ZFAT: variants seen among roughly 807,000 people sequenced by gnomAD.
ZFAT encodes the protein zinc finger protein ZFAT.
ZFAT carries 64 observed loss-of-function variants against 117.7 expected under a neutral mutation model. The ratio of observed to expected loss-of-function variants is 0.54; its 90% CI spans 0.44 to 0.67. The LOEUF is 0.67. Ranked by LOEUF, ZFAT falls within the 30% of genes least tolerant of loss-of-function variation. The probability of loss-of-function intolerance (pLI) is 0.00; values close to 1 mark genes in which losing one functional copy is unlikely to be tolerated. For missense variants in ZFAT, 1,433 were observed against 1,584.5 expected (o/e 0.90, Z 1.62); for synonymous variants, 679 against 615.0 (o/e 1.10, Z -1.54).
chr8:134,788,979 GC>G, the ZFAT span, among the ~76,000 whole-genome samples: 1 of 151,996 alleles, frequency 6.6e-6, no homozygotes, highest in Admixed American at 6.5e-5. Flanking sequence ...CCTCTTGTAA[GC>G]AACATGTAGT....
chr8:134,707,356 A>G (rs552559495), intron 1 of ZFAT, among the ~76,000 whole-genome samples: 1 of 152,278 alleles, frequency 6.6e-6, no homozygotes, highest in Admixed American at 6.5e-5. Context: ...GTCATATTGG[A>G]CTTTGCATGC....
chr8:134,594,039 T>C (rs1338831616), intron 7 of ZFAT, among the ~76,000 whole-genome samples: 4 of 152,234 alleles, frequency 2.6e-5, no homozygotes, highest in African/African-American at 9.6e-5. Context: ...ACGTGCTCGA[T>C]TTGGGATTTC....
intron 1 of ZFAT, among the ~76,000 whole-genome samples, chr8:134,668,207 A>G (rs1376150696): frequency 2.6e-5 from 4 of 152,236 alleles, no homozygotes; most frequent in Non-Finnish European, 5.9e-5. Context: ...CAAAAGCAGC[A>G]GAAACCTCTG....
intron 2 of ZFAT, chr8:134,639,777 C>A (rs56823443): frequency 7.1e-5 from 32 of 453,726 alleles, no homozygotes; most frequent in South Asian, 5.0e-4. Flanking sequence ...ACACCCACCT[C>A]GTGTCATGTC....
chr8:134,705,562 C>T (rs553736122), intron 1 of ZFAT, among the ~76,000 whole-genome samples: 32 of 151,754 alleles, frequency 2.1e-4, no homozygotes, highest in African/African-American at 6.8e-4. Flanking sequence ...CCAAGTCTCA[C>T]TCTGTTGCCC....
chr8:134,672,896 G>A (rs1400349497), intron 1 of ZFAT, among the ~76,000 whole-genome samples: 4 of 151,962 alleles, frequency 2.6e-5, no homozygotes, highest in African/African-American at 7.3e-5. Flanking sequence ...TCCCTAAACA[G>A]GAAGAAAATA....
intron 5 of ZFAT, among the ~76,000 whole-genome samples, chr8:134,603,922 G>C (rs961765946): frequency 2.6e-5 from 4 of 152,208 alleles, no homozygotes; most frequent in Non-Finnish European, 5.9e-5. Context: ...CTCTATCATG[G>C]TTGGTTTAGA....
chr8:134,680,274 A>T (rs1833013101), intron 1 of ZFAT, among the ~76,000 whole-genome samples: 1 of 151,762 alleles, frequency 6.6e-6, no homozygotes, highest in Admixed American at 6.6e-5. Context: ...AAAAAAAAAA[A>T]AAAAAAAGAA....
chr8:134,813,733 T>C, the ZFAT span, among the ~76,000 whole-genome samples: 6 of 151,966 alleles, frequency 3.9e-5, no homozygotes, highest in African/African-American at 7.3e-5. Flanking sequence ...TCTAATTCTT[T>C]ATACAACTAT....
At chr8:134,553,083 C>G (rs1232226767) in intron 11 of ZFAT, among the ~76,000 whole-genome samples, 1 of 152,162 alleles carries the variant, frequency 6.6e-6, no homozygotes, top group African/African-American at 2.4e-5. Flanking sequence ...GGCCCTTCTG[C>G]AGGAGAATCA....
intron 13 of ZFAT, among the ~76,000 whole-genome samples, chr8:134,520,622 T>C (rs1820588382): frequency 6.6e-6 from 1 of 152,042 alleles, no homozygotes; most frequent in South Asian, 2.1e-4. Flanking sequence ...ATAACATAAG[T>C]AAAAGTGTCA....
At chr8:134,792,125 C>T in the ZFAT span, 4 of 152,166 alleles carry the variant, frequency 2.6e-5, no homozygotes, top group Admixed American at 2.6e-4. Context: ...AACATGGTAA[C>T]TGGGAAATAA....
chr8:134,628,538 G>A (rs1254783866), intron 3 of ZFAT, among the ~76,000 whole-genome samples: 1 of 152,208 alleles, frequency 6.6e-6, no homozygotes, highest in East Asian at 1.9e-4. Flanking sequence ...CAAGGTGGAA[G>A]GTGAAAGGCA....
chr8:134,614,586 C>T (rs891265192), intron 3 of ZFAT, among the ~76,000 whole-genome samples: 1 of 152,166 alleles, frequency 6.6e-6, no homozygotes, highest in Non-Finnish European at 1.5e-5. Context: ...GAGGTTGGGT[C>T]CATGACTTCT....
At chr8:134,766,059 C>T in the ZFAT span, 1 of 152,214 alleles carries the variant, frequency 6.6e-6, no homozygotes, top group Non-Finnish European at 1.5e-5. Flanking sequence ...ATAGAAGTTA[C>T]ACTATTTCCT....
Position 134,478,527 on chromosome 8 carries a change from CT to C in ZFAT, c.3686del (p.Gln1229ArgfsTer64). On this transcript the variant is annotated frameshift_variant, in exon 16 of 16. Transcript: ENST00000377838. LOFTEE classifies it high-confidence loss of function. The surrounding 1 kb of genome is among the most constrained non-coding windows in gnomAD (Gnocchi z 5.2). The part of the protein sequence containing the change: ...EFIVYVQEAM[Q>X]PVEEQAVEQP... ...GCTCCACAGCCTGCTCCTCCACAGG[CT>C]GCATGGCCTCCTGCACGTAGACGAT... 6.3e-7 allele frequency: 1 copy of C among 1,588,328 alleles called. No homozygotes were observed. Among genetic ancestry groups the C allele is most frequent in the South Asian group, 1.2e-5 (1 of 86,842 alleles).
Position 134,692,742 on chromosome 8 carries a change from C to T in ZFAT, c.19+20103G>A, listed in dbSNP as rs545243838. On this transcript the variant is annotated intron_variant, in intron 1 of 15. Transcript: ENST00000377838. Reference sequence around the variant, plus strand: ...AAGTAACTTTGGAAGCTGCTGTTTACACCAGATGCCTCGGGCTAAAGAGAA... The same window carrying T: ...AAGTAACTTTGGAAGCTGCTGTTTATACCAGATGCCTCGGGCTAAAGAGAA... Among the ~76,000 whole-genome samples the T allele has an allele frequency of 5.9e-5, 9 of 152,248 alleles. No homozygotes were observed. In the South Asian group the frequency reaches 1.7e-3, roughly 28 times the overall value.
intron 13 of ZFAT, among the ~76,000 whole-genome samples, chr8:134,519,998 A>G (rs1280084899): frequency 6.6e-6 from 1 of 152,200 alleles, no homozygotes. Context: ...GCATTCCAGA[A>G]TAATCCCCAC....
chr8:134,556,237 A>G (rs2130727484), intron 11 of ZFAT, among the ~76,000 whole-genome samples: 1 of 152,320 alleles, frequency 6.6e-6, no homozygotes, highest in East Asian at 1.9e-4. Flanking sequence ...GCAAATAGAA[A>G]TCATACAAAC....
Sources: allele counts gnomAD v4.1 joint callset (sites outside exome capture counted in the v4.1 genomes callset), GRCh38; gene constraint gnomAD v4.1.1; non-coding constraint Gnocchi (gnomAD v3.1); transcripts MANE v1.5; gene names NCBI Gene and HGNC (gene_info 2026-07-23, HGNC 2026-07-21).